LRP1: variants seen among roughly 807,000 people sequenced by gnomAD.
The protein encoded by LRP1 is LDL receptor related protein 1.
LRP1 carries 51 observed loss-of-function variants against 541.5 expected under a neutral mutation model. The ratio of observed to expected loss-of-function variants is 0.09; its 90% CI spans 0.08 to 0.12. The LOEUF (loss-of-function observed/expected upper bound fraction) is 0.12, where lower values mean the gene tolerates loss of function less well. Among genes scored for constraint, LRP1 ranks in the 10% least tolerant of loss-of-function variants. The pLI is 1.00. For synonymous variants in LRP1, 2,219 were observed against 2,470.8 expected, an observed-to-expected ratio of 0.90 and a Z score of 3.02; for missense variants, 3,878 against 6,376.2, an observed-to-expected ratio of 0.61 and a Z score of 13.34.
At chr12:57,187,727 A>T (rs1032495133) in intron 42 of LRP1, among the ~76,000 whole-genome samples, 1 of 152,218 alleles carries the variant, frequency 6.6e-6, no homozygotes, top group African/African-American at 2.4e-5. Context: ...TGATTCATTC[A>T]TCAGAGCACC....
In LRP1 at chr12:57,190,856, G is replaced by A. The variant is rs375847370; in HGVS notation, c.7083G>A (p.Ala2361=). The change falls in exon 43 of 89, where the codon GCG becomes GCA. Residue 2361 remains alanine, a synonymous_variant. Transcript: ENST00000243077. ...AGCAGCATCCCAGCATCATGCGGGC[G>A]GCGCTCTCGGGAGCCAATGTCCTGA... ...WNEQHPSIMR[A]ALSGANVLTL... The A allele has an allele frequency of 4.0e-5, 65 of 1,614,002 alleles. No homozygotes were observed. Among genetic ancestry groups the A allele is most frequent in the South Asian group, 1.9e-4 (17 of 91,084 alleles).
chr12:57,147,051 A>G (rs1460320212), intron 6 of LRP1, among the ~76,000 whole-genome samples: 6 of 152,050 alleles, frequency 3.9e-5, no homozygotes, highest in Admixed American at 3.9e-4. Flanking sequence ...CTTCCTCCCC[A>G]GGAGAAGCTG....
At chr12:57,133,461 G>T (rs1012509944) in intron 1 of LRP1, among the ~76,000 whole-genome samples, 2 of 152,076 alleles carry the variant, frequency 1.3e-5, no homozygotes, top group Admixed American at 1.3e-4. Context: ...CCAGACTCAG[G>T]AATGACAAAA....
chr12:57,176,150 G>A (rs1359367338), intron 24 of LRP1, 44 bp downstream of exon 24: 10 of 1,601,500 alleles, frequency 6.2e-6, no homozygotes, highest in Admixed American at 1.7e-5. Context: ...CAGGCGGAGC[G>A]CTCAGGCGCT....
intron 44 of LRP1, among the ~76,000 whole-genome samples, chr12:57,191,886 C>CACACAGGACATGTACA: frequency 1.8e-5 from 1 of 54,758 alleles, no homozygotes; most frequent in African/African-American, 7.5e-5. Flanking sequence ...CCACACACAC[C>CACACAGGACATGTACA]CCACACATAC....
Position 57,152,136 on chromosome 12 carries a change from G to T in LRP1, c.842-2072G>T, listed in dbSNP as rs80255035. Among the ~76,000 whole-genome samples the T allele has an allele frequency of 2.6e-3, 397 of 152,188 alleles. 2 individuals carry two copies. The highest frequency in any genetic ancestry group is 1.2e-3 in the Non-Finnish European group (83 of 68,002). ...CCAGGCCACATCCTGAGGCTGGGGGGGCTGATTGTGGAGCTGCACCTGGGA... is the reference window on the plus strand; with the variant it reads ...CCAGGCCACATCCTGAGGCTGGGGGTGCTGATTGTGGAGCTGCACCTGGGA... On this transcript the variant is annotated intron_variant, in intron 6 of 88. Coordinates refer to ENST00000243077, the MANE Select transcript of LRP1 (RefSeq NM_002332.3).
At chr12:57,191,925 A>ACACAAGACACACACCACAC (rs2036407991) in intron 44 of LRP1, among the ~76,000 whole-genome samples, 4 of 44,786 alleles carry the variant, frequency 8.9e-5, no homozygotes, top group African/African-American at 1.5e-4. Flanking sequence ...CACACACTAC[A>ACACAAGACACACACCACAC]CATACCACAC....
chr12:57,167,376 C>A, intron 18 of LRP1, 68 bp from the exon 19 acceptor site: 1 of 1,194,666 alleles, frequency 8.4e-7, no homozygotes, highest in Non-Finnish European at 1.3e-6. Context: ...CCGCTGCACT[C>A]ACCTGCCCAG....
At position 57,151,947 on chromosome 12, in the gene LRP1, G is replaced by A. The variant is rs113836958; in HGVS notation, c.842-2261G>A. 8.5e-5 allele frequency among the ~76,000 whole-genome samples: 13 copies of A among 152,278 alleles called. 1 individual carries two copies. The highest frequency in any genetic ancestry group is 3.1e-4 in the African/African-American group (13 of 41,544). ...TCTCCAGCTGCAAAAATACCAAAGG[G>A]GAGGCCAGGCAGGCCGAGGACTCCA... On this transcript the variant is annotated intron_variant, in intron 6 of 88. Coordinates refer to ENST00000243077, the MANE Select transcript of LRP1 (RefSeq NM_002332.3).
intron 6 of LRP1, among the ~76,000 whole-genome samples, chr12:57,145,748 C>T (rs2035392820): frequency 6.6e-6 from 1 of 152,184 alleles, no homozygotes; most frequent in Non-Finnish European, 1.5e-5. Context: ...TGGTCAATCT[C>T]CAGAGACCAG....
intron 1 of LRP1, among the ~76,000 whole-genome samples, chr12:57,133,342 A>T (rs1466713877): frequency 6.6e-6 from 1 of 151,930 alleles, no homozygotes; most frequent in Non-Finnish European, 1.5e-5. Context: ...GGTCAGGCTA[A>T]TGTCCTGCTG....
rs774606880 is a variant in LRP1, at chr12:57,197,042, G to A, written c.8953G>A (p.Glu2985Lys). 1.7e-5 allele frequency: 27 copies of A among 1,613,880 alleles called. No individual in the cohort carries two copies. The highest frequency in any genetic ancestry group is 9.3e-6 in the Non-Finnish European group (11 of 1,180,014). ...CGGCCGGACGTGTGCTGATGTGGACGAGTGCAGCACCACCTTCCCCTGCAG... is the reference window on the plus strand; with the variant it reads ...CGGCCGGACGTGTGCTGATGTGGACAAGTGCAGCACCACCTTCCCCTGCAG... Reference protein sequence around the residue: ...DDGRTCADVDECSTTFPCSQR... With the variant: ...DDGRTCADVDKCSTTFPCSQR... The change falls in exon 56 of 89, where the codon GAG (glutamate) becomes AAG (lysine). Residue 2985 changes from glutamate (E) to lysine (K), a missense_variant. Glu to Lys is a moderately conservative substitution (Grantham distance 56). Around this residue, in one of 13 missense-constraint regions of LRP1, gnomAD observed 1,100 missense variants for 1,827.4 expected, o/e 0.60. Transcript: ENST00000243077. This position sits in a 1 kb window ranked among gnomAD's most constrained non-coding sequence, Gnocchi z 4.5.
At chr12:57,166,421 C>T (rs942237091) in intron 17 of LRP1, 12 of 561,944 alleles carry the variant, frequency 2.1e-5, no homozygotes, top group Admixed American at 1.0e-4. Flanking sequence ...AACTGCCGGG[C>T]GTGGTGGCGT....
At chr12:57,136,401 C>G (rs531745360) in intron 1 of LRP1, among the ~76,000 whole-genome samples, 5 of 142,334 alleles carry the variant, frequency 3.5e-5, no homozygotes, top group East Asian at 2.0e-4. Context: ...AAGAGCCCCC[C>G]CCCCCCGCCA....
At chr12:57,188,538 C>T (rs1346538551) in intron 42 of LRP1, among the ~76,000 whole-genome samples, 4 of 152,140 alleles carry the variant, frequency 2.6e-5, no homozygotes, top group African/African-American at 4.8e-5. Context: ...CCATGACCCT[C>T]GGCTGCCTCA....
At chr12:57,160,835 A>C (rs2035714562) in intron 12 of LRP1, 58 bp from the exon 13 acceptor site, 2 of 1,370,692 alleles carry the variant, frequency 1.5e-6, no homozygotes, top group Admixed American at 1.7e-5. Context: ...TTGGGATCAC[A>C]GGGGAGGCTG....
At position 57,128,485 on chromosome 12, in the gene LRP1, T is replaced by A; in HGVS notation, c.-480T>A. ...CCCCCATCAGCCCCCCCCTCGGCAC[T>A]TCAGTCCGGGGAACAGCGGTGCGAG... On this transcript the variant is annotated 5_prime_UTR_variant, in exon 1 of 89. Coordinates refer to ENST00000243077, the MANE Select transcript of LRP1 (RefSeq NM_002332.3). 1 of 120,440 alleles carries A rather than the reference T, an allele frequency of 8.3e-6. No individual in the cohort carries two copies. The highest frequency in any genetic ancestry group is 1.7e-5 in the Non-Finnish European group (1 of 60,172). 7.5% of individuals were successfully genotyped at this position (120,440 alleles called of 1,614,324 possible).
chr12:57,196,927 G>A, intron 55 of LRP1, 55 bp from the exon 56 acceptor site: 1 of 1,480,044 alleles, frequency 6.8e-7, no homozygotes, highest in Non-Finnish European at 9.2e-7. Flanking sequence ...AGGTCTCCAG[G>A]GTGGGAGGCC....
At chr12:57,200,285 C>T (rs2036621341) in intron 62 of LRP1, 157 bp from the exon 63 acceptor site, 1 of 667,778 alleles carries the variant, frequency 1.5e-6, no homozygotes. Context: ...CCCACGCAGC[C>T]CCATACCTGG....
Sources: allele counts gnomAD v4.1 joint callset (sites outside exome capture counted in the v4.1 genomes callset), GRCh38; gene constraint gnomAD v4.1.1; regional missense constraint gnomAD v4.1.1; non-coding constraint Gnocchi (gnomAD v3.1); transcripts MANE v1.5; gene names NCBI Gene and HGNC (gene_info 2026-07-23, HGNC 2026-07-21).